The following DENND2A variants were observed in gnomAD, a reference collection of about 807,000 sequenced individuals.
DENND2A encodes the protein DENN domain-containing protein 2A.
DENND2A carries 53 observed loss-of-function variants against 105.3 expected under a neutral mutation model. The ratio of observed to expected loss-of-function variants is 0.50; its 90% CI spans 0.40 to 0.63. DENND2A has a LOEUF of 0.63. DENND2A is among the 30% of genes least tolerant of loss of function. The pLI is 0.00. For synonymous variants in DENND2A, 522 were observed against 508.4 expected (o/e 1.03, Z -0.36); for missense variants, 1,138 against 1,279.6 (o/e 0.89, Z 1.69).
intron 6 of DENND2A, 50 bp from the exon 7 acceptor site, chr7:140,569,788 T>C (rs754014300): frequency 7.4e-7 from 1 of 1,343,634 alleles, no homozygotes; most frequent in South Asian, 1.2e-5. Context: ...CCACTCTCTG[T>C]GGCAGCTGGG....
At chr7:140,615,686 C>T (rs1585761645) in intron 1 of DENND2A, among the ~76,000 whole-genome samples, 1 of 151,858 alleles carries the variant, frequency 6.6e-6, no homozygotes, top group South Asian at 2.1e-4. Context: ...GGCAAGAGCG[C>T]ACCACCCTGT....
chr7:140,636,009 T>A (rs1800917282), intron 1 of DENND2A, among the ~76,000 whole-genome samples: 2 of 152,244 alleles, frequency 1.3e-5, no homozygotes, highest in South Asian at 4.1e-4. Context: ...TTGCCTCCTA[T>A]CATTAAAGGG....
At chr7:140,617,853 C>T (rs1220131943) in intron 1 of DENND2A, among the ~76,000 whole-genome samples, 1 of 152,214 alleles carries the variant, frequency 6.6e-6, no homozygotes, top group Non-Finnish European at 1.5e-5. Flanking sequence ...TGCCGGATGC[C>T]AGAGGCAGCT....
intron 6 of DENND2A, among the ~76,000 whole-genome samples, chr7:140,573,074 C>G (rs1435717066): frequency 6.6e-6 from 1 of 152,200 alleles, no homozygotes; most frequent in South Asian, 2.1e-4. Flanking sequence ...CTTTCTTCAG[C>G]CTAGTATATA....
chr7:140,549,073 C>G (rs1377548308), intron 12 of DENND2A, among the ~76,000 whole-genome samples: 1 of 151,584 alleles, frequency 6.6e-6, no homozygotes, highest in Admixed American at 6.6e-5. Context: ...CAAAATTAGC[C>G]AGGCGTGGTG....
intron 18 of DENND2A, 123 bp downstream of exon 18, chr7:140,521,732 C>G: frequency 6.7e-7 from 1 of 1,493,454 alleles, no homozygotes. Flanking sequence ...TGCAAGCTCT[C>G]TGGGGGAGAT....
At chr7:140,596,463 T>C (rs1799286523) in intron 3 of DENND2A, among the ~76,000 whole-genome samples, 1 of 152,214 alleles carries the variant, frequency 6.6e-6, no homozygotes, top group African/African-American at 2.4e-5. Context: ...TAATTTTAAC[T>C]GTTAAACCTG....
intron 1 of DENND2A, among the ~76,000 whole-genome samples, chr7:140,633,123 C>T (rs269257): frequency 3.3e-5 from 5 of 151,006 alleles, no homozygotes; most frequent in East Asian, 2.0e-4. Flanking sequence ...CCGCCTCCCG[C>T]GTTCACACCA....
chr7:140,588,018 C>G (rs1798859127), intron 3 of DENND2A, among the ~76,000 whole-genome samples: 1 of 152,166 alleles, frequency 6.6e-6, no homozygotes, highest in African/African-American at 2.4e-5. Context: ...TCAAGCAATT[C>G]TTCTGCCTCA....
In DENND2A at chr7:140,574,000, C is replaced by T; in HGVS notation, c.1254G>A (p.Leu418=). Residue 418 remains leucine, a synonymous_variant, in exon 6 of 20, where the codon TTG becomes TTA. Transcript: ENST00000496613. ...TTTGTCGGAAAAAAGCAGGTTTGGACAATGACTGCTGTGAAGGAAAAGGAG... is the reference window on the plus strand; with the variant it reads ...TTTGTCGGAAAAAAGCAGGTTTGGATAATGACTGCTGTGAAGGAAAAGGAG... ...SIPDTLTKQS[L]SKPAFFRQNS... is the part of the protein sequence containing the mutation. 1 of 1,614,062 alleles carries T rather than the reference C, an allele frequency of 6.2e-7. No individual in the cohort carries two copies. The highest frequency in any genetic ancestry group is 8.5e-7 in the Non-Finnish European group (1 of 1,180,030).
At chr7:140,586,903 T>G (rs1798806455) in intron 4 of DENND2A, among the ~76,000 whole-genome samples, 2 of 152,178 alleles carry the variant, frequency 1.3e-5, no homozygotes, top group Non-Finnish European at 2.9e-5. Flanking sequence ...ACATATGGGT[T>G]TCTCCCTTTT....
intron 5 of DENND2A, among the ~76,000 whole-genome samples, chr7:140,583,351 A>C (rs941156581): frequency 6.7e-6 from 1 of 149,890 alleles, no homozygotes; most frequent in African/African-American, 2.5e-5. Context: ...CAAAAAAAGA[A>C]ATGGTTTAAC....
At chr7:140,544,943 C>CG (rs893568880) in intron 13 of DENND2A, 177 bp from the exon 14 acceptor site, 13 of 903,774 alleles carry the variant, frequency 1.4e-5, no homozygotes, top group Non-Finnish European at 1.7e-5. Context: ...TGCCAGAAGA[C>CG]GGGGGGCGGA....
intron 3 of DENND2A, among the ~76,000 whole-genome samples, chr7:140,590,056 G>A (rs1478491620): frequency 6.6e-6 from 1 of 152,134 alleles, no homozygotes; most frequent in East Asian, 1.9e-4. Context: ...TATGGTTAAA[G>A]GCTCTCCAAA....
At chr7:140,553,093 G>A (rs1372683981) in intron 12 of DENND2A, among the ~76,000 whole-genome samples, 1 of 152,070 alleles carries the variant, frequency 6.6e-6, no homozygotes. Context: ...GAAATAAGGG[G>A]ACCCAGGGAA....
chr7:140,529,066 T>C (rs1286526683), intron 14 of DENND2A, among the ~76,000 whole-genome samples: 4 of 151,998 alleles, frequency 2.6e-5, no homozygotes, highest in African/African-American at 9.7e-5. Flanking sequence ...GATTGCGCCA[T>C]TGCACTCCAG....
chr7:140,538,274 A>C (rs1250809391), intron 14 of DENND2A, among the ~76,000 whole-genome samples: 3 of 152,114 alleles, frequency 2.0e-5, no homozygotes. Context: ...AGAGTGGGCG[A>C]AGGTCCTCTC....
At chr7:140,629,281 C>T (rs1800648563) in intron 1 of DENND2A, among the ~76,000 whole-genome samples, 1 of 152,086 alleles carries the variant, frequency 6.6e-6, no homozygotes, top group African/African-American at 2.4e-5. Flanking sequence ...CAAATATAAA[C>T]TGGAGAAATT....
rs946353299 is a variant in DENND2A at position 140,553,724 on chromosome 7, A to G, written c.2037+1912T>C. Among the ~76,000 whole-genome samples the G allele has an allele frequency of 5.3e-5, 8 of 152,342 alleles. No homozygotes were observed. The East Asian group carries it at 1.5e-3, about 29-fold the overall frequency. On this transcript the variant is annotated intron_variant, in intron 12 of 19. Transcript: ENST00000496613. ...CTTAACGAGCATGCTGCCTTCAAGC[A>G]TCTGTTTAACAAAGCACATCTTGCA...
Sources: gnomAD v4.1 joint callset for allele counts (sites outside exome capture counted in the v4.1 genomes callset) on GRCh38, gnomAD v4.1.1 for gene constraint, MANE v1.5 for transcripts, NCBI Gene and HGNC (gene_info 2026-07-23, HGNC 2026-07-21) for gene names.